The following CD70 variants were observed in gnomAD, a reference collection of about 807,000 sequenced individuals.
CD70 encodes CD70 antigen.
CD70 carries 6 observed loss-of-function variants against 9.0 expected under a neutral mutation model. The ratio of observed to expected loss-of-function variants is 0.67; its 90% confidence interval spans 0.37 to 1.32. CD70 has a LOEUF of 1.32. Ranked by LOEUF, CD70 falls within the 40% of genes most tolerant of loss-of-function variation. CD70 has a pLI of 0.02. For synonymous variants in CD70, 108 were observed against 112.3 expected (o/e 0.96, Z 0.24); for missense variants, 235 against 258.7 (o/e 0.91, Z 0.63).
downstream of CD70, among the ~76,000 whole-genome samples, chr19:6,585,566 T>C (rs1915996793): frequency 6.6e-6 from 1 of 152,044 alleles, no homozygotes. Context: ...GGTCTTGAAC[T>C]CCTAGGCTCA....
downstream of CD70, among the ~76,000 whole-genome samples, chr19:6,583,918 G>A (rs536738528): frequency 1.1e-4 from 17 of 150,744 alleles, no homozygotes; most frequent in Non-Finnish European, 1.9e-4. Flanking sequence ...TCACCCTCCT[G>A]AGTAGCTGGG....
At chr19:6,589,300 T>C (rs1472020517) in intron 2 of CD70, among the ~76,000 whole-genome samples, 1 of 151,666 alleles carries the variant, frequency 6.6e-6, no homozygotes, top group Non-Finnish European at 1.5e-5. Flanking sequence ...TTCTTTTTCC[T>C]TTCTCTCTCT....
In CD70 at chr19:6,586,026, G is replaced by A; in HGVS notation, c.576C>T (p.Arg192=). Residue 192 remains arginine (R), a synonymous_variant, in exon 3 of 3, where the codon CGC becomes CGT. Transcript: ENST00000245903. The part of the protein sequence containing the change: ...DETFFGVQWV[R]P ...CCCTAATCAGCAGCAGTGGTCAGGG[G>A]CGCACCCACTGCACTCCAAAGAAGG... is the stretch of plus-strand genomic sequence containing the variant. The A allele has an allele frequency of 6.2e-7, 1 of 1,609,246 alleles. No individual in the cohort carries two copies. The highest frequency in any genetic ancestry group is 8.5e-7 in the Non-Finnish European group (1 of 1,175,884).
rs955039543 is a variant in CD70 at position 6,590,361 on chromosome 19, ACTT to A, written c.163-228_163-226del. On this transcript the variant is annotated intron_variant, in intron 1 of 2. Coordinates refer to ENST00000245903, the MANE Select transcript of CD70 (RefSeq NM_001252.5). The surrounding 1 kb of genome is among the most constrained non-coding windows in gnomAD (Gnocchi z 5.3). The stretch of plus-strand genomic sequence containing the variant: ...ACGTGAAGTCGAGACCTTCAAAAGA[ACTT>A]CTTCGTTTCCCGAATCGTTTTCCTG... Among the ~76,000 whole-genome samples the A allele has an allele frequency of 2.6e-5, 4 of 152,130 alleles. No individual in the cohort carries two copies. The highest frequency in any genetic ancestry group is 2.1e-4 in the South Asian group (1 of 4,826).
Position 6,590,121 on chromosome 19 carries a change from G to A in CD70, c.178C>T (p.Leu60=). The A allele has an allele frequency of 3.1e-6, 5 of 1,613,714 alleles. No individual in the cohort carries two copies. The South Asian group carries it at 5.5e-5, about 18-fold the overall frequency. Residue 60 remains leucine (L), a synonymous_variant, in exon 2 of 3, where the codon CTG becomes TTG. Transcript: ENST00000245903. The surrounding 1 kb of genome is among the most constrained non-coding windows in gnomAD (Gnocchi z 5.3). ...GTGTTACCTGTGTGATTCAGCTGCA[G>A]CTCAGCTACGTCCCACTGGAAGAAA... is the stretch of plus-strand genomic sequence containing the variant. ...LESLGWDVAE[L]QLNHTGPQQD...
chr19:6,589,917 T>G (rs1288285022), intron 2 of CD70, among the ~76,000 whole-genome samples, 186 bp downstream of exon 2: 7 of 106,428 alleles, frequency 6.6e-5, no homozygotes, highest in Non-Finnish European at 7.8e-5. Flanking sequence ...TCTGGGCCTC[T>G]CCCTCCCTCT....
downstream of CD70, among the ~76,000 whole-genome samples, chr19:6,585,367 C>T (rs432560): frequency 0.64 from 93,022 of 145,014 alleles, 30,973 homozygotes; most frequent in East Asian, 0.77. Context: ...TTTTTTTTGA[C>T]AAGGAATCTC....
chr19:6,591,102 T>C lies in CD70; in HGVS notation c.-100A>G. 7.7e-7 allele frequency: 1 copy of C among 1,302,528 alleles called. No individual in the cohort carries two copies. The highest frequency in any genetic ancestry group is 1.0e-6 in the Non-Finnish European group (1 of 975,518). 80.7% of individuals were successfully genotyped at this position (1,302,528 alleles called of 1,614,324 possible). A position where few individuals can be genotyped will look rare whatever the true frequency, so the allele number is the denominator to read the frequency against. On this transcript the variant is annotated 5_prime_UTR_variant, in exon 1 of 3. Coordinates refer to ENST00000245903, the MANE Select transcript of CD70 (RefSeq NM_001252.5). ...AACTGCAGCCCCCTCCCGGGGCTCCTGGGCGTCTACTTGCTTCAACCTGTC... is the reference window on the plus strand; with the variant it reads ...AACTGCAGCCCCCTCCCGGGGCTCCCGGGCGTCTACTTGCTTCAACCTGTC...
downstream of CD70, among the ~76,000 whole-genome samples, chr19:6,584,677 C>T (rs1915981461): frequency 8.8e-6 from 1 of 113,288 alleles, no homozygotes; most frequent in South Asian, 3.0e-4. Flanking sequence ...CCAGCTGGGG[C>T]AATGTAATGA....
chr19:6,585,326 T>G (rs1390601773), downstream of CD70, among the ~76,000 whole-genome samples: 1 of 150,034 alleles, frequency 6.7e-6, no homozygotes, highest in African/African-American at 2.4e-5. Context: ...GTCAAATAGA[T>G]GCACCAAGGA....
In CD70 at chr19:6,590,945, G is replaced by A. The variant is rs1477597031; in HGVS notation, c.58C>T (p.Arg20Trp). The part of the protein sequence containing the change: ...VRRRPYGCVL[R>W]AALVPLVAGL... Reference sequence around the variant, plus strand: ...GCGACCAATGGGACCAAAGCAGCCCGCAGGACGCACCCATAGGGCCTGCGC... The same window carrying A: ...GCGACCAATGGGACCAAAGCAGCCCACAGGACGCACCCATAGGGCCTGCGC... The change falls in exon 1 of 3, where the codon CGG becomes TGG. Residue 20 changes from arginine (R) to tryptophan (W), a missense_variant. Physicochemically the swap from Arg to Trp is moderately radical, Grantham distance 101. Coordinates refer to ENST00000245903, the MANE Select transcript of CD70 (RefSeq NM_001252.5). The surrounding 1 kb of genome is among the most constrained non-coding windows in gnomAD (Gnocchi z 5.3). 6.2e-7 allele frequency: 1 copy of A among 1,613,966 alleles called. No homozygotes were observed.
Position 6,590,815 on chromosome 19 carries a change from T to C in CD70, c.162+26A>G, listed in dbSNP as rs754265248. 3.1e-6 allele frequency: 5 copies of C among 1,601,006 alleles called. No homozygotes were observed. The highest frequency in any genetic ancestry group is 4.3e-6 in the Non-Finnish European group (5 of 1,170,290). On this transcript the variant is annotated intron_variant, in intron 1 of 2. Transcript: ENST00000245903. The surrounding 1 kb of genome is among the most constrained non-coding windows in gnomAD (Gnocchi z 5.3). ...CGGTCACGCGCCTCTCTATGTTTTCTTCCCAACTTTTCCATCTCAACTCAC... is the reference window on the plus strand; with the variant it reads ...CGGTCACGCGCCTCTCTATGTTTTCCTCCCAACTTTTCCATCTCAACTCAC...
At chr19:6,589,966 T>A in intron 2 of CD70, 137 bp downstream of exon 2, 76 of 485,316 alleles carry the variant, frequency 1.6e-4, no homozygotes, top group Non-Finnish European at 2.2e-4. Flanking sequence ...TTTCCCTCCC[T>A]ATCTCTCCCT....
chr19:6,583,361 C>T (rs1421334808), downstream of CD70: 3 of 701,736 alleles, frequency 4.3e-6, no homozygotes, highest in Non-Finnish European at 7.8e-6. Flanking sequence ...ATTCCTCCAG[C>T]TTTGTAGGGC....
intron 2 of CD70, among the ~76,000 whole-genome samples, chr19:6,587,741 G>C (rs1916059957): frequency 1.3e-5 from 2 of 151,906 alleles, no homozygotes; most frequent in South Asian, 4.2e-4. Flanking sequence ...ACAGGGTCTG[G>C]TCCTGTCACC....
chr19:6,587,079 AGAGT>A (rs1439366969), intron 2 of CD70, among the ~76,000 whole-genome samples: 7 of 149,856 alleles, frequency 4.7e-5, no homozygotes, highest in Non-Finnish European at 7.4e-5. Flanking sequence ...AGAGAGCGAG[AGAGT>A]GTGTGAGAGG....
rs773893895 is a variant in CD70, at chr19:6,590,065, C to CT, written c.196+37dup. On this transcript the variant is annotated intron_variant, in intron 2 of 2. Coordinates refer to ENST00000245903, the MANE Select transcript of CD70 (RefSeq NM_001252.5). This position sits in a 1 kb window ranked among gnomAD's most constrained non-coding sequence, Gnocchi z 5.3. ...CCTCTCCTTCCTTCTCTCTCTGTGC[C>CT]TCTTCTTCTCCCCGTCCCTCCACGT... The CT allele has an allele frequency of 6.3e-7, 1 of 1,582,240 alleles. No individual in the cohort carries two copies. Among genetic ancestry groups the CT allele is most frequent in the South Asian group, 1.1e-5 (1 of 90,084 alleles).
rs376571698 is a variant in CD70, at chr19:6,586,015, A to T, written c.*5T>A. On this transcript the variant is annotated 3_prime_UTR_variant, in exon 3 of 3. Transcript: ENST00000245903. ...AATTTAAAAAACCCTAATCAGCAGC[A>T]GTGGTCAGGGGCGCACCCACTGCAC... 6.3e-7 allele frequency: 1 copy of T among 1,592,728 alleles called. No homozygotes were observed.
At chr19:6,586,494 C>G (rs904421513) in intron 2 of CD70, 89 bp from the exon 3 acceptor site, 1 of 1,357,238 alleles carries the variant, frequency 7.4e-7, no homozygotes, top group African/African-American at 1.4e-5. Flanking sequence ...ATATAGAGAT[C>G]GAGAGTTAGA....
Sources: allele counts gnomAD v4.1 joint callset (sites outside exome capture counted in the v4.1 genomes callset), GRCh38; gene constraint gnomAD v4.1.1; non-coding constraint Gnocchi (gnomAD v3.1); transcripts MANE v1.5; gene names NCBI Gene and HGNC (gene_info 2026-07-23, HGNC 2026-07-21).